The following ZNF410 variants were observed in gnomAD, a reference collection of about 807,000 sequenced individuals.
The protein encoded by ZNF410 is another partner for ARF 1.
A neutral mutation model predicts 54.8 loss-of-function variants in ZNF410; 18 were observed. The ratio of observed to expected loss-of-function variants is 0.33; its 90% confidence interval spans 0.23 to 0.49. The LOEUF (loss-of-function observed/expected upper bound fraction) is 0.49. Among genes scored for constraint, ZNF410 ranks in the 20% least tolerant of loss-of-function variants. ZNF410 has a pLI of 0.99. For synonymous variants in ZNF410, 191 were observed against 207.3 expected (o/e 0.92, Z 0.68); for missense variants, 405 against 569.6 (o/e 0.71, Z 2.94).
At chr14:73,907,563 C>A (rs1470530405) in intron 7 of ZNF410, among the ~76,000 whole-genome samples, 1 of 151,494 alleles carries the variant, frequency 6.6e-6, no homozygotes, top group Non-Finnish European at 1.5e-5. Flanking sequence ...CCACTACACT[C>A]CATCCTAGGA....
chr14:73,889,598 C>CA (rs1420111607), intron 1 of ZNF410, among the ~76,000 whole-genome samples: 3 of 152,046 alleles, frequency 2.0e-5, no homozygotes, highest in African/African-American at 7.2e-5. Context: ...CCTGGCTTTG[C>CA]AACTTAATAA....
At chr14:73,887,256 G>C (rs1008313614) in intron 1 of ZNF410, 1 of 152,560 alleles carries the variant, frequency 6.6e-6, no homozygotes, top group African/African-American at 2.4e-5. Context: ...GCCTGCCTAC[G>C]GACCTTGGGG....
In ZNF410 at chr14:73,896,401, C is replaced by T. The variant is rs775786370; in HGVS notation, c.255C>T (p.Asp85=). ...GCCTTCGGGTGAATGTGGGTCCAGA[C>T]GGAGAGGAGACGAGAGCTCAGACTG... is the stretch of plus-strand genomic sequence containing the variant. The part of the protein sequence containing the change: ...LRSLRVNVGP[D]GEETRAQTVQ... The change falls in exon 4 of 12, where the codon GAC becomes GAT. Residue 85 remains aspartate, a synonymous_variant. Transcript: ENST00000555044. The T allele has an allele frequency of 4.3e-5, 69 of 1,614,168 alleles. No homozygotes were observed. The highest frequency in any genetic ancestry group is 7.7e-5 in the South Asian group (7 of 91,080).
chr14:73,921,982 G>C, intron 9 of ZNF410, 84 bp from the exon 10 acceptor site: 1 of 1,532,828 alleles, frequency 6.5e-7, no homozygotes, highest in Non-Finnish European at 8.9e-7. Flanking sequence ...TAATGAAAGA[G>C]AAGGCCAGCT....
intron 3 of ZNF410, among the ~76,000 whole-genome samples, chr14:73,895,954 T>C (rs1380059854): frequency 6.6e-6 from 1 of 152,204 alleles, no homozygotes; most frequent in Non-Finnish European, 1.5e-5. Context: ...AAAAATAAAA[T>C]GTAGATCCTA....
At position 73,918,833 on chromosome 14, in the gene ZNF410, G is replaced by C. The variant is rs556202772; in HGVS notation, c.1004-2147G>C. The stretch of plus-strand genomic sequence containing the variant: ...TCTGCCTCAGCGTACCGAGTAGCTG[G>C]GACTACAGGCGCCCGCCACCACGCC... On this transcript the variant is annotated intron_variant, in intron 8 of 11. Coordinates refer to ENST00000555044, the MANE Select transcript of ZNF410 (RefSeq NM_021188.3). 2.7e-5 allele frequency among the ~76,000 whole-genome samples: 4 copies of C among 150,350 alleles called. No individual in the cohort carries two copies. The South Asian group carries it at 8.5e-4, about 32-fold the overall frequency.
At chr14:73,892,367 G>A (rs192043588) in intron 2 of ZNF410, among the ~76,000 whole-genome samples, 159 bp downstream of exon 2, 11 of 151,946 alleles carry the variant, frequency 7.2e-5, no homozygotes, top group Admixed American at 3.9e-4. Flanking sequence ...TTTTTTCAAA[G>A]ATTTAAAAAT....
Position 73,931,544 on chromosome 14 carries a change from G to T in ZNF410, c.*3G>T. On this transcript the variant is annotated 3_prime_UTR_variant, in exon 12 of 12. Transcript: ENST00000555044. ...ATTTAACTGAAAGACGGACATGAGC[G>T]TGGGTGCTGACTCCTGGAAGAGCAA... 1 of 1,609,706 alleles carries T rather than the reference G, an allele frequency of 6.2e-7. No homozygotes were observed. The highest frequency in any genetic ancestry group is 8.5e-7 in the Non-Finnish European group (1 of 1,178,856).
At chr14:73,892,404 CTG>C (rs1301796265) in intron 2 of ZNF410, among the ~76,000 whole-genome samples, 196 bp downstream of exon 2, 17 of 151,160 alleles carry the variant, frequency 1.1e-4, no homozygotes, top group Admixed American at 3.3e-4. Flanking sequence ...GTTTTTATAT[CTG>C]TTTTTCAGTA....
intron 8 of ZNF410, among the ~76,000 whole-genome samples, chr14:73,912,515 T>C (rs549243758): frequency 3.5e-4 from 53 of 152,320 alleles, no homozygotes; most frequent in African/African-American, 1.3e-3. Flanking sequence ...GAATCTCTTA[T>C]TTCATAAAGG....
Position 73,898,350 on chromosome 14 carries a change from AATT to A in ZNF410, c.580+92_580+94del, listed in dbSNP as rs1206132543. ...GCTGGTTTGAGTTGTATATAATTTAAATTATTCTATTGATGAGAGCAGAAGGCT... is the reference window on the plus strand; with the variant it reads ...GCTGGTTTGAGTTGTATATAATTTAAATTCTATTGATGAGAGCAGAAGGCT... On this transcript the variant is annotated intron_variant, in intron 5 of 11. Coordinates refer to ENST00000555044, the MANE Select transcript of ZNF410 (RefSeq NM_021188.3). 3 of 1,337,494 alleles carry A rather than the reference AATT, an allele frequency of 2.2e-6. No individual in the cohort carries two copies. The Admixed American group carries it at 5.9e-5, about 26-fold the overall frequency. 82.9% of individuals were successfully genotyped at this position (1,337,494 alleles called of 1,614,324 possible). A position where few individuals can be genotyped will look rare whatever the true frequency, so the allele number is the denominator to read the frequency against.
chr14:73,887,990 T>A (rs2055170407), intron 1 of ZNF410, among the ~76,000 whole-genome samples: 1 of 152,128 alleles, frequency 6.6e-6, no homozygotes, highest in Admixed American at 6.6e-5. Flanking sequence ...AAAGGATGTA[T>A]TGGAAAGAGG....
At chr14:73,898,288 C>T in intron 5 of ZNF410, 26 bp downstream of exon 5, 2 of 1,612,502 alleles carry the variant, frequency 1.2e-6, no homozygotes, top group Non-Finnish European at 1.7e-6. Context: ...ATTTTCCTTG[C>T]CACTATTCTG....
intron 11 of ZNF410, among the ~76,000 whole-genome samples, chr14:73,928,865 C>T (rs564238273): frequency 1.3e-5 from 2 of 152,250 alleles, no homozygotes; most frequent in East Asian, 3.9e-4. Flanking sequence ...GGAGGATCAA[C>T]TTGAGCCCAG....
In ZNF410 at chr14:73,932,348, A is replaced by G. The variant is rs943922837; in HGVS notation, c.*807A>G. The G allele has an allele frequency of 2.4e-5, 9 of 380,316 alleles. No homozygotes were observed. Among genetic ancestry groups the G allele is most frequent in the African/African-American group, 1.3e-4 (6 of 46,738 alleles). The allele number at this position is 380,316 out of a possible 1,614,324, so 23.6% of individuals were successfully genotyped here. A position where few individuals can be genotyped will look rare whatever the true frequency, so the allele number is the denominator to read the frequency against. ...TAAGAATTTAATCTTTCCCTTTAAAATAGTGTATTGATTTACCCTTAGGAT... is the reference window on the plus strand; with the variant it reads ...TAAGAATTTAATCTTTCCCTTTAAAGTAGTGTATTGATTTACCCTTAGGAT... On this transcript the variant is annotated 3_prime_UTR_variant, in exon 12 of 12. Coordinates refer to ENST00000555044, the MANE Select transcript of ZNF410 (RefSeq NM_021188.3).
chr14:73,902,061 A>T (rs2055415836), intron 5 of ZNF410: 2 of 149,838 alleles, frequency 1.3e-5, no homozygotes, highest in Non-Finnish European at 3.0e-5. Context: ...TTTTTGTGCT[A>T]TATGTGTAGT....
intron 11 of ZNF410, among the ~76,000 whole-genome samples, chr14:73,925,187 A>C (rs17782286): frequency 0.49 from 74,578 of 152,036 alleles, 18,512 homozygotes; most frequent in South Asian, 0.61. Flanking sequence ...AAAGTTTTTG[A>C]TCTTGATATC....
At chr14:73,900,572 C>T (rs1198827361) in intron 5 of ZNF410, among the ~76,000 whole-genome samples, 2 of 152,068 alleles carry the variant, frequency 1.3e-5, no homozygotes, top group East Asian at 3.9e-4. Context: ...CAGGGTTTCA[C>T]CGTGTTGGCC....
intron 8 of ZNF410, chr14:73,913,654 G>C (rs2055619741): frequency 6.6e-6 from 1 of 152,220 alleles, no homozygotes; most frequent in African/African-American, 2.4e-5. Flanking sequence ...TTAATGCTCA[G>C]CTTTTTGGAT....
Sources: allele counts gnomAD v4.1 joint callset (sites outside exome capture counted in the v4.1 genomes callset), GRCh38; gene constraint gnomAD v4.1.1; transcripts MANE v1.5; gene names NCBI Gene and HGNC (gene_info 2026-07-23, HGNC 2026-07-21).